DUSP16: variants seen among roughly 807,000 people sequenced by gnomAD.
The protein encoded by DUSP16 is dual specificity protein phosphatase 16.
Under a neutral mutation model 58.3 loss-of-function variants are expected in DUSP16, and 21 were observed. The observed-to-expected ratio is 0.36, with a 90% CI of 0.26 to 0.52. DUSP16 has a LOEUF of 0.52. DUSP16 is among the 20% of genes least tolerant of loss of function. DUSP16 has a pLI of 0.94. For missense variants in DUSP16, 726 were observed against 819.0 expected (o/e 0.89, Z 1.39); for synonymous variants, 320 against 323.8 (o/e 0.99, Z 0.12).
At chr12:12,555,671 A>G (rs1290901630) in intron 1 of DUSP16, among the ~76,000 whole-genome samples, 2 of 152,190 alleles carry the variant, frequency 1.3e-5, no homozygotes, top group African/African-American at 4.8e-5. Flanking sequence ...GTCTTTCCCA[A>G]ATATTTTTGA....
At chr12:12,483,406 T>C (rs1943613788) in intron 5 of DUSP16, among the ~76,000 whole-genome samples, 1 of 152,186 alleles carries the variant, frequency 6.6e-6, no homozygotes, top group South Asian at 2.1e-4. Flanking sequence ...TTTTCTTTTT[T>C]TTTCATTTTA....
At chr12:12,538,371 T>G (rs1944501959) in intron 1 of DUSP16, among the ~76,000 whole-genome samples, 1 of 152,174 alleles carries the variant, frequency 6.6e-6, no homozygotes, top group Non-Finnish European at 1.5e-5. Flanking sequence ...CTACTGAAAT[T>G]TCATAGCCAA....
chr12:12,512,203 C>G (rs546895022), intron 3 of DUSP16, among the ~76,000 whole-genome samples: 15 of 152,068 alleles, frequency 9.9e-5, no homozygotes, highest in Non-Finnish European at 2.1e-4. Flanking sequence ...GCACCTTTTT[C>G]CCCAGCTTTA....
At chr12:12,541,124 AATTTCTCT>A in intron 1 of DUSP16, among the ~76,000 whole-genome samples, 1 of 151,552 alleles carries the variant, frequency 6.6e-6, no homozygotes, top group East Asian at 1.9e-4. Context: ...ACGCCTGGCT[AATTTCTCT>A]ATTTTTAGTA....
chr12:12,486,247 T>C (rs1943680141), intron 5 of DUSP16, among the ~76,000 whole-genome samples: 1 of 152,092 alleles, frequency 6.6e-6, no homozygotes, highest in African/African-American at 2.4e-5. Flanking sequence ...GGTATGTTGC[T>C]CAGGAGCTAG....
intron 1 of DUSP16, among the ~76,000 whole-genome samples, chr12:12,529,479 T>C (rs905748662): frequency 2.6e-5 from 4 of 152,208 alleles, no homozygotes; most frequent in Non-Finnish European, 5.9e-5. Context: ...GAAGTAGATA[T>C]ACACTGTGGA....
intron 3 of DUSP16, among the ~76,000 whole-genome samples, chr12:12,500,902 T>TA (rs1943898911): frequency 6.6e-6 from 1 of 152,148 alleles, no homozygotes; most frequent in South Asian, 2.1e-4. Context: ...TGAAGGCACT[T>TA]ATAATGAATG....
chr12:12,504,876 C>CA (rs1943969119), intron 3 of DUSP16, among the ~76,000 whole-genome samples: 1 of 151,690 alleles, frequency 6.6e-6, no homozygotes, highest in South Asian at 2.1e-4. Context: ...GACCCTGTCT[C>CA]AAAAAAATAC....
At chr12:12,517,058 A>G (rs778988153) in intron 3 of DUSP16, among the ~76,000 whole-genome samples, 12 of 152,236 alleles carry the variant, frequency 7.9e-5, no homozygotes, top group Non-Finnish European at 1.8e-4. Flanking sequence ...AGATACTGCT[A>G]TCAATTTCTT....
chr12:12,550,316 G>T (rs917242561), intron 1 of DUSP16, among the ~76,000 whole-genome samples: 2 of 151,618 alleles, frequency 1.3e-5, no homozygotes, highest in East Asian at 3.9e-4. Flanking sequence ...CTAAAAAGAT[G>T]TCAGCACATG....
At chr12:12,522,174 C>A (rs1944247860) in intron 1 of DUSP16, among the ~76,000 whole-genome samples, 1 of 152,204 alleles carries the variant, frequency 6.6e-6, no homozygotes, top group South Asian at 2.1e-4. Context: ...CAGCCATGGC[C>A]CTGTCATGTC....
At chr12:12,500,984 TG>T (rs917064020) in intron 3 of DUSP16, among the ~76,000 whole-genome samples, 6 of 152,062 alleles carry the variant, frequency 3.9e-5, no homozygotes, top group African/African-American at 7.2e-5. Flanking sequence ...CCCATGCAAA[TG>T]TTTTTTTTTG....
rs562621311 is a variant in DUSP16, at chr12:12,507,968, T to C, written c.368-7286A>G. ...TCTTTTGTAAAACAAAACTCCCTTT[T>C]TGTAACATAAACACAATCCTTTCAT... is the stretch of plus-strand genomic sequence containing the variant. On this transcript the variant is annotated intron_variant, in intron 3 of 6. Coordinates refer to ENST00000298573, the MANE Select transcript of DUSP16 (RefSeq NM_030640.3). Among the ~76,000 whole-genome samples the C allele has an allele frequency of 1.9e-4, 29 of 152,352 alleles. 1 individual carries two copies. In the South Asian group the frequency reaches 2.5e-3, roughly 13 times the overall value.
chr12:12,558,750 G>T (rs930266618), intron 1 of DUSP16, among the ~76,000 whole-genome samples: 1 of 151,272 alleles, frequency 6.6e-6, no homozygotes, highest in East Asian at 1.9e-4. Flanking sequence ...TCTAACCCCA[G>T]TCAAGAAGGG....
chr12:12,525,853 T>C (rs748653993), intron 1 of DUSP16, among the ~76,000 whole-genome samples: 24 of 152,012 alleles, frequency 1.6e-4, no homozygotes, highest in Non-Finnish European at 3.4e-4. Flanking sequence ...AATTAAATGC[T>C]GGGGGTCACC....
In DUSP16 at chr12:12,477,512, T is replaced by C. The variant is rs1386157027; in HGVS notation, c.1319A>G (p.Asn440Ser). 1.9e-6 allele frequency: 3 copies of C among 1,599,776 alleles called. No individual in the cohort carries two copies. The African/African-American group carries it at 4.0e-5, about 21-fold the overall frequency. ...AACAGGGGAGAACTGGCATAGCTTGTTGGTCCCATCCAGAGTAGTGGAAGG... is the reference window on the plus strand; with the variant it reads ...AACAGGGGAGAACTGGCATAGCTTGCTGGTCCCATCCAGAGTAGTGGAAGG... ...YKPSTTLDGT[N>S]KLCQFSPVQE... The change falls in exon 7 of 7, where the codon AAC (asparagine) becomes AGC (serine). Residue 440 changes from asparagine (N) to serine (S), a missense_variant. Asn to Ser is a conservative substitution (Grantham distance 46). Coordinates refer to ENST00000298573, the MANE Select transcript of DUSP16 (RefSeq NM_030640.3). This position sits in a 1 kb window ranked among gnomAD's most constrained non-coding sequence, Gnocchi z 4.1.
chr12:12,521,893 CA>C lies in DUSP16; in HGVS notation c.-365-431del, dbSNP rs570702204. On this transcript the variant is annotated intron_variant, in intron 1 of 6. Transcript: ENST00000298573. The stretch of plus-strand genomic sequence containing the variant: ...AGTTAGCAATCCTGTGTTACCAGGA[CA>C]AAAAAAAAAATATTTTCTGAAATGG... 4.3e-4 allele frequency among the ~76,000 whole-genome samples: 62 copies of C among 142,916 alleles called. 1 individual carries two copies. Among genetic ancestry groups the C allele is most frequent in the Admixed American group, 1.1e-3 (16 of 14,326 alleles). The allele number at this position is 142,916 out of a possible 152,430, so 93.8% of individuals were successfully genotyped here. A position where few individuals can be genotyped will look rare whatever the true frequency, so the allele number is the denominator to read the frequency against.
intron 1 of DUSP16, among the ~76,000 whole-genome samples, chr12:12,556,595 A>T (rs190490328): frequency 6.4e-4 from 98 of 152,146 alleles, no homozygotes; most frequent in African/African-American, 2.3e-3. Context: ...AAAAAAAATT[A>T]AAAACTGCAA....
chr12:12,552,151 A>C (rs1413133043), intron 1 of DUSP16, among the ~76,000 whole-genome samples: 1 of 152,130 alleles, frequency 6.6e-6, no homozygotes, highest in Non-Finnish European at 1.5e-5. Flanking sequence ...AGTGCAACTA[A>C]TATTTAAGAA....
Sources: allele counts gnomAD v4.1 joint callset (sites outside exome capture counted in the v4.1 genomes callset), GRCh38; gene constraint gnomAD v4.1.1; non-coding constraint Gnocchi (gnomAD v3.1); transcripts MANE v1.5; gene names NCBI Gene and HGNC (gene_info 2026-07-23, HGNC 2026-07-21).